The following SVIL variants were observed in gnomAD, a reference collection of about 807,000 sequenced individuals.
SVIL encodes the protein archvillin.
A neutral mutation model predicts 240.4 loss-of-function variants in SVIL; 101 were observed. The observed-to-expected ratio is 0.42, with a 90% CI of 0.36 to 0.50. The LOEUF (loss-of-function observed/expected upper bound fraction) is 0.50, where lower values mean the gene tolerates loss of function less well. Among genes scored for constraint, SVIL ranks in the 20% least tolerant of loss-of-function variants. The pLI, the probability that SVIL is intolerant of heterozygous loss-of-function variation, is 0.01. For synonymous variants in SVIL, 999 were observed against 1,100.0 expected (o/e 0.91, Z 1.82); for missense variants, 2,512 against 2,818.7 (o/e 0.89, Z 2.46).
intron 17 of SVIL, among the ~76,000 whole-genome samples, chr10:29,506,706 G>A (rs1255757454): frequency 2.1e-4 from 26 of 123,888 alleles, no homozygotes; most frequent in African/African-American, 3.3e-4. Context: ...GGCCCTACGA[G>A]GGAGGGGATA....
chr10:29,642,169 C>T (rs961661959), intron 3 of SVIL, among the ~76,000 whole-genome samples: 9 of 152,220 alleles, frequency 5.9e-5, no homozygotes, highest in South Asian at 2.1e-4. Context: ...GAGGCTGAGG[C>T]AGATGGCTCA....
At chr10:29,711,470 G>A (rs1247086) in intron 1 of SVIL, among the ~76,000 whole-genome samples, 55,397 of 151,078 alleles carry the variant, frequency 0.37, 10,556 homozygotes, top group African/African-American at 0.47. Context: ...GTTCAAATGC[G>A]CCATGACTGG....
chr10:29,722,316 A>T (rs1405911060), intron 1 of SVIL, among the ~76,000 whole-genome samples: 1 of 151,996 alleles, frequency 6.6e-6, no homozygotes, highest in South Asian at 2.1e-4. Context: ...CCAAATTTCT[A>T]CTGAAAAGAT....
At chr10:29,727,934 C>T (rs192558342) in intron 1 of SVIL, among the ~76,000 whole-genome samples, 59 of 152,272 alleles carry the variant, frequency 3.9e-4, no homozygotes, top group African/African-American at 1.1e-3. Context: ...TACTCTATTA[C>T]CAACCCTGAG....
intron 1 of SVIL, among the ~76,000 whole-genome samples, chr10:29,617,730 C>A (rs183564666): frequency 2.3e-4 from 35 of 152,268 alleles, no homozygotes; most frequent in African/African-American, 8.4e-4. Flanking sequence ...GTGGACACTC[C>A]AAAATATACA....
intron 12 of SVIL, among the ~76,000 whole-genome samples, chr10:29,527,820 G>A (rs1212365218): frequency 6.7e-6 from 1 of 150,138 alleles, no homozygotes; most frequent in Admixed American, 6.7e-5. Context: ...CCACCTCCTG[G>A]GTTTAAGCAT....
At chr10:29,701,407 T>C (rs967358642) in intron 1 of SVIL, among the ~76,000 whole-genome samples, 1 of 152,212 alleles carries the variant, frequency 6.6e-6, no homozygotes, top group African/African-American at 2.4e-5. Context: ...CTATTATTCA[T>C]GTCAACAAAT....
At chr10:29,585,902 G>A (rs868021264) in intron 1 of SVIL, among the ~76,000 whole-genome samples, 1 of 152,264 alleles carries the variant, frequency 6.6e-6, no homozygotes, top group African/African-American at 2.4e-5. Context: ...AGAGCGCTCT[G>A]AGCGCGGTCA....
chr10:29,571,307 C>G (rs1033763970), intron 1 of SVIL, among the ~76,000 whole-genome samples: 2 of 152,196 alleles, frequency 1.3e-5, no homozygotes, highest in Non-Finnish European at 2.9e-5. Flanking sequence ...TGTAGATGAC[C>G]AAGGCAAAGC....
chr10:29,496,556 T>C (rs1265545049), intron 18 of SVIL: 3 of 362,238 alleles, frequency 8.3e-6, no homozygotes, highest in African/African-American at 6.4e-5. Flanking sequence ...CCCGCTGCCA[T>C]GGCTCCCCCT....
intron 1 of SVIL, among the ~76,000 whole-genome samples, chr10:29,579,989 T>C (rs1161494672): frequency 6.6e-6 from 1 of 151,852 alleles, no homozygotes; most frequent in African/African-American, 2.4e-5. Context: ...GTGCCTGACC[T>C]AGGATAGATA....
At chr10:29,512,706 A>T (rs1335848662) in intron 17 of SVIL, 29 bp downstream of exon 17, 2 of 1,614,106 alleles carry the variant, frequency 1.2e-6, no homozygotes, top group Admixed American at 3.3e-5. Flanking sequence ...TGTTAGTCGG[A>T]AGGCTTTTCC....
chr10:29,618,449 G>C (rs921760109), intron 1 of SVIL, among the ~76,000 whole-genome samples: 5 of 152,154 alleles, frequency 3.3e-5, no homozygotes, highest in Non-Finnish European at 7.3e-5. Flanking sequence ...CTGGATTACT[G>C]GTTGCACAAA....
At chr10:29,601,203 T>C (rs949345153) in intron 1 of SVIL, among the ~76,000 whole-genome samples, 1 of 152,174 alleles carries the variant, frequency 6.6e-6, no homozygotes, top group Non-Finnish European at 1.5e-5. Flanking sequence ...GAAAAAAAAT[T>C]TCCCCCTGGA....
intron 32 of SVIL, chr10:29,469,166 CA>C (rs1945274796): frequency 6.6e-6 from 1 of 152,164 alleles, no homozygotes; most frequent in Non-Finnish European, 1.5e-5. Flanking sequence ...CTCAGTGGTC[CA>C]AGTAAACCCT....
At chr10:29,622,951 C>T (rs911262500) in intron 1 of SVIL, among the ~76,000 whole-genome samples, 4 of 152,152 alleles carry the variant, frequency 2.6e-5, no homozygotes, top group African/African-American at 7.2e-5. Context: ...ATTCAAAATG[C>T]AGAAATGAAC....
chr10:29,484,696 T>C lies in SVIL; in HGVS notation c.4915A>G (p.Asn1639Asp). 6.2e-7 allele frequency: 1 copy of C among 1,613,976 alleles called. No homozygotes were observed. Among genetic ancestry groups the C allele is most frequent in the Non-Finnish European group, 8.5e-7 (1 of 1,179,946 alleles). ...GTFDYENCDINPLDPGECNPL... is the reference protein window; with the variant it reads ...GTFDYENCDIDPLDPGECNPL... ...TTGCATTCTCCAGGATCCAGGGGAT[T>C]GATGTCACAGTTCTCATAGTCAAAG... The change falls in exon 27 of 38, where the codon AAT becomes GAT. Residue 1639 changes from asparagine to aspartate, a missense_variant. By Grantham distance (23) the Asn-to-Asp change is conservative. This residue lies in a region of SVIL where 797 missense variants were observed against 925.3 expected (regional missense o/e 0.86). Coordinates refer to ENST00000355867, the MANE Select transcript of SVIL (RefSeq NM_021738.3). The surrounding 1 kb of genome is among the most constrained non-coding windows in gnomAD (Gnocchi z 4.7).
chr10:29,480,674 A>G lies in SVIL; in HGVS notation c.5240T>C (p.Phe1747Ser), dbSNP rs1283391183. The G allele has an allele frequency of 1.2e-6, 2 of 1,614,142 alleles. No homozygotes were observed. The highest frequency in any genetic ancestry group is 1.7e-6 in the Non-Finnish European group (2 of 1,179,998). The part of the protein sequence containing the change: ...GLVEGHDRRQ[F>S]EITSVSVDVW... ...ATCCACGGAAACGCTGGTGATCTCA[A>G]ACTGCCTCCTGTCGTGTCCTTCCAC... The change falls in exon 29 of 38, where the codon TTT becomes TCT. Residue 1747 changes from phenylalanine (F) to serine (S), a missense_variant. Phe to Ser is a radical substitution (Grantham distance 155). Transcript: ENST00000355867.
At chr10:29,571,158 T>C (rs1275251807) in intron 1 of SVIL, among the ~76,000 whole-genome samples, 3 of 152,220 alleles carry the variant, frequency 2.0e-5, no homozygotes, top group Non-Finnish European at 4.4e-5. Flanking sequence ...GACCAGGCAC[T>C]TGTATCTTTG....
Sources: gnomAD v4.1 joint callset for allele counts (sites outside exome capture counted in the v4.1 genomes callset) on GRCh38, gnomAD v4.1.1 for gene constraint, gnomAD v4.1.1 regional missense constraint, Gnocchi (gnomAD v3.1) non-coding constraint, MANE v1.5 for transcripts, NCBI Gene and HGNC (gene_info 2026-07-23, HGNC 2026-07-21) for gene names.